Variants in SPDL1 observed in about 807,000 individuals in gnomAD.
SPDL1 encodes spindle apparatus coiled-coil protein 1, also known as protein Spindly.
Under a neutral mutation model 79.5 loss-of-function variants are expected in SPDL1, and 85 were observed. The observed-to-expected ratio is 1.07, with a 90% CI of 0.90 to 1.28. The LOEUF (loss-of-function observed/expected upper bound fraction) is 1.28, where lower values mean the gene tolerates loss of function less well. Ranked by LOEUF, SPDL1 falls within the 50% of genes most tolerant of loss-of-function variation. The probability of loss-of-function intolerance (pLI) is 0.00; values close to 1 mark genes in which losing one functional copy is unlikely to be tolerated. For synonymous variants in SPDL1, 269 were observed against 240.3 expected, an observed-to-expected ratio of 1.12 and a Z score of -1.10; for missense variants, 703 against 697.8, an observed-to-expected ratio of 1.01 and a Z score of -0.08.
chr5:169,596,749 A>G, intron 8 of SPDL1, 48 bp downstream of exon 8: 1 of 1,484,490 alleles, frequency 6.7e-7, no homozygotes, highest in Non-Finnish European at 9.0e-7. Flanking sequence ...TGATTTGAAT[A>G]TCTTAAAATT....
chr5:169,592,451 G>A lies in SPDL1; in HGVS notation c.337-903G>A, dbSNP rs185623905. 2.5e-4 allele frequency among the ~76,000 whole-genome samples: 38 copies of A among 152,080 alleles called. No homozygotes were observed. In the East Asian group the frequency reaches 6.2e-3, roughly 25 times the overall value. The stretch of plus-strand genomic sequence containing the variant: ...AGGCTGGTCTCTAACTCCTGACCTC[G>A]TGATCCGCCCACTTCAGCCTCGCAA... On this transcript the variant is annotated intron_variant, in intron 3 of 11. Transcript: ENST00000265295.
At chr5:169,586,747 A>G (rs1441752344) in intron 1 of SPDL1, among the ~76,000 whole-genome samples, 1 of 152,174 alleles carries the variant, frequency 6.6e-6, no homozygotes, top group Admixed American at 6.5e-5. Flanking sequence ...AAATCTGGCC[A>G]TTTCTCACAG....
intron 2 of SPDL1, among the ~76,000 whole-genome samples, chr5:169,589,565 T>C (rs1755163474): frequency 6.6e-6 from 1 of 152,072 alleles, no homozygotes; most frequent in African/African-American, 2.4e-5. Flanking sequence ...TTGCCTTTTT[T>C]TTTTTTTTGA....
At chr5:169,593,584 CTTTT>C in intron 4 of SPDL1, 36 bp downstream of exon 4, 16 of 1,444,624 alleles carry the variant, frequency 1.1e-5, no homozygotes, top group Non-Finnish European at 1.5e-5. Context: ...AGGGTTTTCT[CTTTT>C]TTTTTCTGGC....
chr5:169,593,228 C>T (rs1581299140), intron 3 of SPDL1, 126 bp from the exon 4 acceptor site: 1 of 784,792 alleles, frequency 1.3e-6, no homozygotes, highest in East Asian at 2.7e-5. Context: ...AGATGCCTAA[C>T]CTTGGGCAAA....
At chr5:169,589,979 C>T (rs535488117) in intron 2 of SPDL1, among the ~76,000 whole-genome samples, 3 of 152,244 alleles carry the variant, frequency 2.0e-5, no homozygotes, top group Admixed American at 6.5e-5. Flanking sequence ...AGGCATGAGC[C>T]GTTGTGCCCG....
intron 11 of SPDL1, 160 bp downstream of exon 11, chr5:169,601,785 A>G (rs1561878881): frequency 4.0e-6 from 3 of 743,156 alleles, no homozygotes; most frequent in Non-Finnish European, 7.1e-6. Flanking sequence ...CCAGAACTTT[A>G]AGAAAGACTA....
In SPDL1 at chr5:169,593,451, C is replaced by T; in HGVS notation, c.434C>T (p.Ser145Leu). The T allele has an allele frequency of 6.2e-7, 1 of 1,613,838 alleles. No individual in the cohort carries two copies. The highest frequency in any genetic ancestry group is 8.5e-7 in the Non-Finnish European group (1 of 1,179,878). The change falls in exon 4 of 12, where the codon TCA becomes TTA. Residue 145 changes from serine (S) to leucine (L), a missense_variant. Transcript: ENST00000265295. Reference sequence around the variant, plus strand: ...CAGAAGGAACTCCTCTCTTGTAAATCAGAGGAACTGCGCGTAATGTCTGAA... The same window carrying T: ...CAGAAGGAACTCCTCTCTTGTAAATTAGAGGAACTGCGCGTAATGTCTGAA... ...DHQKELLSCK[S>L]EELRVMSERV...
chr5:169,596,121 C>G (rs1376208590), intron 7 of SPDL1: 1 of 156,020 alleles, frequency 6.4e-6, no homozygotes, highest in African/African-American at 2.4e-5. Context: ...TTGCTTTTAA[C>G]GTCATTTGTG....
intron 2 of SPDL1, among the ~76,000 whole-genome samples, chr5:169,589,147 A>G (rs898875896): frequency 2.6e-5 from 4 of 152,138 alleles, no homozygotes; most frequent in African/African-American, 9.7e-5. Flanking sequence ...CTTTTAGTCA[A>G]TATCTTCCCT....
At chr5:169,588,252 T>C in intron 1 of SPDL1, 142 bp from the exon 2 acceptor site, 1 of 533,672 alleles carries the variant, frequency 1.9e-6, no homozygotes, top group Non-Finnish European at 3.2e-6. Context: ...AGAATGCAAA[T>C]TTGACTACTT....
chr5:169,597,209 G>A (rs1390822244), intron 8 of SPDL1, among the ~76,000 whole-genome samples: 2 of 149,082 alleles, frequency 1.3e-5, no homozygotes, highest in Non-Finnish European at 3.0e-5. Context: ...TATTTTAGTT[G>A]AGAATGGTAT....
chr5:169,602,152 GC>G (rs1755967358), intron 11 of SPDL1: 1 of 170,854 alleles, frequency 5.9e-6, no homozygotes, highest in Non-Finnish European at 1.2e-5. Context: ...AAACTTGAAA[GC>G]CTCTAGTTTC....
Position 169,604,384 on chromosome 5 carries a change from GCTT to G in SPDL1, c.*181_*183del. On this transcript the variant is annotated 3_prime_UTR_variant, in exon 12 of 12. Coordinates refer to ENST00000265295, the MANE Select transcript of SPDL1 (RefSeq NM_017785.5). ...AATTTGCTTGACTCTAACCTGGAGA[GCTT>G]CTTAAGTGATGCCCCTTCATGGAGC... 4 of 453,262 alleles carry G rather than the reference GCTT, an allele frequency of 8.8e-6. No individual in the cohort carries two copies. Among genetic ancestry groups the G allele is most frequent in the South Asian group, 1.2e-4 (2 of 16,098 alleles). The allele number at this position is 453,262 out of a possible 1,614,324, so 28.1% of individuals were successfully genotyped here. A position where few individuals can be genotyped will look rare whatever the true frequency, so the allele number is the denominator to read the frequency against.
At chr5:169,595,007 A>C (rs1755518546) in intron 7 of SPDL1, among the ~76,000 whole-genome samples, 1 of 152,188 alleles carries the variant, frequency 6.6e-6, no homozygotes, top group Admixed American at 6.5e-5. Context: ...TGTCTTTCCA[A>C]GCATAGCCCT....
In SPDL1 at chr5:169,588,561, A is replaced by G. The variant is rs760202715; in HGVS notation, c.145A>G (p.Met49Val). 6.2e-7 allele frequency: 1 copy of G among 1,612,420 alleles called. No homozygotes were observed. The highest frequency in any genetic ancestry group is 1.7e-5 in the Admixed American group (1 of 59,746). ...ATTGGATAAATGTCGTAATGAAATGATGACCATGACTGAGGTAGGACTCTG... is the reference window on the plus strand; with the variant it reads ...ATTGGATAAATGTCGTAATGAAATGGTGACCATGACTGAGGTAGGACTCTG... ...NQLDKCRNEM[M>V]TMTESYEQEK... Residue 49 changes from methionine (M) to valine (V), a missense_variant, in exon 2 of 12, where the codon ATG becomes GTG. Transcript: ENST00000265295.
Position 169,593,610 on chromosome 5 carries a change from T to A in SPDL1, c.531+62T>A, listed in dbSNP as rs1044146217. On this transcript the variant is annotated intron_variant, in intron 4 of 11. Transcript: ENST00000265295. ...TTTTTTTTTCTGGCATATTTTTACA[T>A]GTTTTGGTAATAATTCTTAAGAGCT... 5 of 1,465,414 alleles carry A rather than the reference T, an allele frequency of 3.4e-6. No individual in the cohort carries two copies. The African/African-American group carries it at 5.7e-5, about 17-fold the overall frequency. 90.8% of individuals were successfully genotyped at this position (1,465,414 alleles called of 1,614,324 possible).
chr5:169,601,833 A>G (rs1755948545), intron 11 of SPDL1: 6 of 653,136 alleles, frequency 9.2e-6, no homozygotes, highest in African/African-American at 1.8e-5. Flanking sequence ...GAATAAGGCA[A>G]TCACATTAAA....
intron 10 of SPDL1, among the ~76,000 whole-genome samples, chr5:169,599,701 T>G (rs1755783322): frequency 3.3e-5 from 5 of 152,212 alleles, no homozygotes; most frequent in Admixed American, 3.3e-4. Context: ...CAGCCTCACC[T>G]GCTGACAGGA....
Sources: gnomAD v4.1 joint callset for allele counts (sites outside exome capture counted in the v4.1 genomes callset) on GRCh38, gnomAD v4.1.1 for gene constraint, MANE v1.5 for transcripts, NCBI Gene and HGNC (gene_info 2026-07-23, HGNC 2026-07-21) for gene names.